The following PRR27 variants were observed in gnomAD, a reference collection of about 807,000 sequenced individuals.
The protein encoded by PRR27 is proline rich 27, also known as proline-rich protein 27.
A neutral mutation model predicts 16.8 loss-of-function variants in PRR27; 12 were observed. The ratio of observed to expected loss-of-function variants is 0.71; its 90% CI spans 0.46 to 1.16. The LOEUF is 1.16. Among genes scored for constraint, PRR27 ranks in the 50% most tolerant of loss-of-function variants. The probability of loss-of-function intolerance (pLI) is 0.00; values close to 1 mark genes in which losing one functional copy is unlikely to be tolerated. For missense variants in PRR27, 277 were observed against 273.3 expected, an observed-to-expected ratio of 1.01 and a Z score of -0.10; for synonymous variants, 100 against 98.4, an observed-to-expected ratio of 1.02 and a Z score of -0.10.
chr4:70,160,457 G>C (rs1484106075), intron 3 of PRR27, among the ~76,000 whole-genome samples: 2 of 147,448 alleles, frequency 1.4e-5, no homozygotes, highest in African/African-American at 4.9e-5. Flanking sequence ...GTGTGTGTGT[G>C]TGTGTGTGTG....
intron 1 of PRR27, 41 bp downstream of exon 1, chr4:70,154,467 C>G (rs768745037): frequency 6.8e-7 from 1 of 1,480,752 alleles, no homozygotes; most frequent in South Asian, 1.1e-5. Context: ...ATTGTATAAC[C>G]ATTTGCTAAT....
chr4:70,160,441 C>CTG (rs1349628920), intron 3 of PRR27, among the ~76,000 whole-genome samples: 7 of 87,454 alleles, frequency 8.0e-5, no homozygotes, highest in African/African-American at 1.6e-4. Flanking sequence ...CTCTCTCTCT[C>CTG]TCTGTGTGTG....
intron 2 of PRR27, 43 bp from the exon 3 acceptor site, chr4:70,158,285 A>G: frequency 1.1e-6 from 1 of 908,834 alleles, no homozygotes; most frequent in East Asian, 2.7e-5. Flanking sequence ...ATATATAGAC[A>G]GGACAAATAC....
rs985360718 is a variant in PRR27, at chr4:70,166,213, T to C, written c.*3552T>C. 2 of 152,060 alleles carry C rather than the reference T, an allele frequency of 1.3e-5. No individual in the cohort carries two copies. The highest frequency in any genetic ancestry group is 2.4e-5 in the African/African-American group (1 of 41,442). The allele number at this position is 152,060 out of a possible 1,614,324, so 9.4% of individuals were successfully genotyped here. On this transcript the variant is annotated 3_prime_UTR_variant, in exon 5 of 5. Transcript: ENST00000344526. Reference sequence around the variant, plus strand: ...AAAGATCAAATATATCACATTTTATTTGACTAAAAAGTAAACTATATTTCC... The same window carrying C: ...AAAGATCAAATATATCACATTTTATCTGACTAAAAAGTAAACTATATTTCC...
At position 70,165,221 on chromosome 4, in the gene PRR27, A is replaced by G. The variant is rs546456102; in HGVS notation, c.*2560A>G. On this transcript the variant is annotated 3_prime_UTR_variant, in exon 5 of 5. Transcript: ENST00000344526. ...AACCAGAAGATTGGGAACTTCCTCA[A>G]TTACTTTGTCTTCCATTTATTGCAT... 1 of 152,230 alleles carries G rather than the reference A, an allele frequency of 6.6e-6. No individual in the cohort carries two copies. The highest frequency in any genetic ancestry group is 2.4e-5 in the African/African-American group (1 of 41,576). The allele number at this position is 152,230 out of a possible 1,614,324, so 9.4% of individuals were successfully genotyped here. A position where few individuals can be genotyped will look rare whatever the true frequency, so the allele number is the denominator to read the frequency against.
chr4:70,156,084 C>CT lies in PRR27; in HGVS notation c.75+15dup, dbSNP rs543951263. Reference sequence around the variant, plus strand: ...GTTCCCCTTCATTGGTGAGGTAAAACTTTTTTTTCTTTACACGCAAGTATA... The same window carrying CT: ...GTTCCCCTTCATTGGTGAGGTAAAACTTTTTTTTTCTTTACACGCAAGTATA... On this transcript the variant is annotated splice_region_variant and intron_variant, in intron 2 of 4. Coordinates refer to ENST00000344526, the MANE Select transcript of PRR27 (RefSeq NM_214711.4). 1,710 of 1,393,804 alleles carry CT rather than the reference C, an allele frequency of 1.2e-3. 16 individuals are homozygous for CT. Among genetic ancestry groups the CT allele is most frequent in the African/African-American group, 0.012 (786 of 65,728 alleles). The allele number at this position is 1,393,804 out of a possible 1,614,324, so 86.3% of individuals were successfully genotyped here. A position where few individuals can be genotyped will look rare whatever the true frequency, so the allele number is the denominator to read the frequency against.
At chr4:70,159,143 G>C (rs1728574873) in intron 3 of PRR27, among the ~76,000 whole-genome samples, 1 of 152,126 alleles carries the variant, frequency 6.6e-6, no homozygotes, top group Admixed American at 6.5e-5. Context: ...ACAGTCAAAA[G>C]TTTCCTCCTG....
Position 70,161,633 on chromosome 4 carries a change from A to T in PRR27, c.*33+3A>T. The T allele has an allele frequency of 7.3e-7, 1 of 1,374,130 alleles. No individual in the cohort carries two copies. The highest frequency in any genetic ancestry group is 1.0e-6 in the Non-Finnish European group (1 of 983,746). 85.1% of individuals were successfully genotyped at this position (1,374,130 alleles called of 1,614,324 possible). A position where few individuals can be genotyped will look rare whatever the true frequency, so the allele number is the denominator to read the frequency against. Reference sequence around the variant, plus strand: ...AAGAGTACCATGGGTTCATTTCTGTAAGTCATATGTGATAATATAATTTAG... The same window carrying T: ...AAGAGTACCATGGGTTCATTTCTGTTAGTCATATGTGATAATATAATTTAG... On this transcript the variant is annotated splice_donor_region_variant and intron_variant, in intron 4 of 4. Coordinates refer to ENST00000344526, the MANE Select transcript of PRR27 (RefSeq NM_214711.4).
intron 2 of PRR27, 92 bp downstream of exon 2, chr4:70,156,169 A>G (rs1728471230): frequency 1.6e-6 from 1 of 628,930 alleles, no homozygotes; most frequent in Non-Finnish European, 2.6e-6. Context: ...TTTACAGTGA[A>G]ACTTAATGAC....
chr4:70,163,404 C>G lies in PRR27; in HGVS notation c.*743C>G, dbSNP rs1728690121. ...ACTCAGCTCACTGCAACTTCCACCT[C>G]CCGGGTTCAAGTGATTCTCCTGCCT... On this transcript the variant is annotated 3_prime_UTR_variant, in exon 5 of 5. Coordinates refer to ENST00000344526, the MANE Select transcript of PRR27 (RefSeq NM_214711.4). 6.6e-6 allele frequency: 1 copy of G among 151,500 alleles called. No individual in the cohort carries two copies. Among genetic ancestry groups the G allele is most frequent in the African/African-American group, 2.4e-5 (1 of 41,086 alleles). 9.4% of individuals were successfully genotyped at this position (151,500 alleles called of 1,614,324 possible).
Position 70,158,385 on chromosome 4 carries a change from C to T in PRR27, c.133C>T (p.Arg45Trp), listed in dbSNP as rs190661582. ...ATCTCTGAATATTCCTTATGGCATACGGAATTTACCACCTCCTCTTTATTA... is the reference window on the plus strand; with the variant it reads ...ATCTCTGAATATTCCTTATGGCATATGGAATTTACCACCTCCTCTTTATTA... ...HPSLNIPYGIRNLPPPLYYRP... is the reference protein window; with the variant it reads ...HPSLNIPYGIWNLPPPLYYRP... Residue 45 changes from arginine to tryptophan, a missense_variant, in exon 3 of 5, where the codon CGG (arginine) becomes TGG (tryptophan). Coordinates refer to ENST00000344526, the MANE Select transcript of PRR27 (RefSeq NM_214711.4). 168 of 1,613,142 alleles carry T rather than the reference C, an allele frequency of 1.0e-4. 2 individuals are homozygous for T. The East Asian group carries it at 3.3e-3, about 31-fold the overall frequency.
At position 70,154,446 on chromosome 4, in the gene PRR27, A is replaced by G. The variant is rs770738518; in HGVS notation, c.51+20A>G. 1.1e-5 allele frequency: 17 copies of G among 1,581,006 alleles called. No homozygotes were observed. Among genetic ancestry groups the G allele is most frequent in the Admixed American group, 1.7e-5 (1 of 59,970 alleles). ...AGGAAGGTAAGTAAATGGACTTCCAAAATTGTAACAATTGTATAACCATTT... is the reference window on the plus strand; with the variant it reads ...AGGAAGGTAAGTAAATGGACTTCCAGAATTGTAACAATTGTATAACCATTT... On this transcript the variant is annotated intron_variant, in intron 1 of 4. Coordinates refer to ENST00000344526, the MANE Select transcript of PRR27 (RefSeq NM_214711.4).
At chr4:70,159,669 T>C (rs1251352841) in intron 3 of PRR27, among the ~76,000 whole-genome samples, 1 of 152,194 alleles carries the variant, frequency 6.6e-6, no homozygotes, top group Non-Finnish European at 1.5e-5. Flanking sequence ...ATAATGTGTA[T>C]ATGTAGTACA....
chr4:70,164,141 G>C lies in PRR27; in HGVS notation c.*1480G>C, dbSNP rs1028893982. ...TTACCTTTTTATTTATTTGTGTATT[G>C]TCTTTGTTGTTGCCCTCATCTTATC... is the stretch of plus-strand genomic sequence containing the variant. On this transcript the variant is annotated 3_prime_UTR_variant, in exon 5 of 5. Coordinates refer to ENST00000344526, the MANE Select transcript of PRR27 (RefSeq NM_214711.4). The C allele has an allele frequency of 2.0e-5, 3 of 151,928 alleles. No homozygotes were observed. The highest frequency in any genetic ancestry group is 7.3e-5 in the African/African-American group (3 of 41,358). 9.4% of individuals were successfully genotyped at this position (151,928 alleles called of 1,614,324 possible). A position where few individuals can be genotyped will look rare whatever the true frequency, so the allele number is the denominator to read the frequency against.
intron 2 of PRR27, among the ~76,000 whole-genome samples, chr4:70,157,125 G>A (rs1388669116): frequency 6.6e-6 from 1 of 151,944 alleles, no homozygotes; most frequent in Non-Finnish European, 1.5e-5. Flanking sequence ...ATACCTCAGG[G>A]GGCTCTGGCA....
intron 2 of PRR27, 95 bp downstream of exon 2, chr4:70,156,172 T>G (rs1298764827): frequency 1.7e-6 from 1 of 579,340 alleles, no homozygotes; most frequent in Non-Finnish European, 2.9e-6. Flanking sequence ...ACAGTGAAAC[T>G]TAATGACTGC....
chr4:70,161,989 T>C (rs1404388143), intron 4 of PRR27, among the ~76,000 whole-genome samples: 1 of 152,212 alleles, frequency 6.6e-6, no homozygotes, highest in African/African-American at 2.4e-5. Context: ...CAGATTATTC[T>C]GTATGCTATC....
At chr4:70,155,047 A>G (rs1728444360) in intron 1 of PRR27, among the ~76,000 whole-genome samples, 1 of 152,186 alleles carries the variant, frequency 6.6e-6, no homozygotes, top group African/African-American at 2.4e-5. Flanking sequence ...TTATAAGGTA[A>G]TTATATAAAG....
In PRR27 at chr4:70,158,738, A is replaced by C. The variant is rs769691274; in HGVS notation, c.486A>C (p.Ala162=). 46 of 1,577,954 alleles carry C rather than the reference A, an allele frequency of 2.9e-5. No homozygotes were observed. The highest frequency in any genetic ancestry group is 1.0e-4 in the South Asian group (9 of 88,914). ...APVAAEPAAE[A]PVGAEPAAEA... Reference sequence around the variant, plus strand: ...TTGCAGCTGAGCCTGCTGCAGAGGCACCTGTTGGAGCTGAGCCTGCTGCAG... The same window carrying C: ...TTGCAGCTGAGCCTGCTGCAGAGGCCCCTGTTGGAGCTGAGCCTGCTGCAG... The change falls in exon 3 of 5, where the codon GCA becomes GCC. Residue 162 remains alanine (A), a synonymous_variant. Coordinates refer to ENST00000344526, the MANE Select transcript of PRR27 (RefSeq NM_214711.4).
Sources: gnomAD v4.1 joint callset for allele counts (sites outside exome capture counted in the v4.1 genomes callset) on GRCh38, gnomAD v4.1.1 for gene constraint, MANE v1.5 for transcripts, NCBI Gene and HGNC (gene_info 2026-07-23, HGNC 2026-07-21) for gene names.